Variants in IGFBP7 observed in about 807,000 individuals in gnomAD.
IGFBP7 encodes insulin like growth factor binding protein 7.
In IGFBP7, 31 loss-of-function variants were observed where a neutral mutation model predicts 29.4. The ratio of observed to expected loss-of-function variants is 1.05; its 90% CI spans 0.79 to 1.42. IGFBP7 has a LOEUF of 1.42. IGFBP7 is among the 40% of genes most tolerant of loss of function. The pLI is 0.00. For missense variants in IGFBP7, 393 were observed against 395.5 expected (o/e 0.99, Z 0.05); for synonymous variants, 172 against 174.9 (o/e 0.98, Z 0.13).
chr4:57,055,816 C>T (rs1724654658), intron 1 of IGFBP7, among the ~76,000 whole-genome samples: 1 of 152,190 alleles, frequency 6.6e-6, no homozygotes. Flanking sequence ...TTGGGAGCCG[C>T]CCTTTGCTCA....
At chr4:57,059,559 C>T (rs531262169) in intron 1 of IGFBP7, among the ~76,000 whole-genome samples, 3 of 151,906 alleles carry the variant, frequency 2.0e-5, no homozygotes, top group East Asian at 1.9e-4. Context: ...AACTCATGAA[C>T]GCAAAGAGGG....
chr4:57,099,322 C>T (rs1351374114), intron 1 of IGFBP7, among the ~76,000 whole-genome samples: 1 of 152,172 alleles, frequency 6.6e-6, no homozygotes, highest in Non-Finnish European at 1.5e-5. Context: ...ATTGAGTTCT[C>T]AAACCCCTGC....
chr4:57,064,347 TA>T (rs1165138832), intron 1 of IGFBP7, among the ~76,000 whole-genome samples: 2 of 152,102 alleles, frequency 1.3e-5, no homozygotes, highest in South Asian at 2.1e-4. Context: ...CCTGGGTGAC[TA>T]AAAACAAACA....
At chr4:57,090,566 G>T (rs941247928) in intron 1 of IGFBP7, among the ~76,000 whole-genome samples, 1 of 152,170 alleles carries the variant, frequency 6.6e-6, no homozygotes, top group African/African-American at 2.4e-5. Flanking sequence ...GCAGGGCATG[G>T]TGGCTCACAC....
At position 57,031,472 on chromosome 4, in the gene IGFBP7, A is replaced by G. The variant is rs377012623; in HGVS notation, c.830-136T>C. 5.1e-5 allele frequency: 35 copies of G among 685,754 alleles called. No homozygotes were observed. In the South Asian group the frequency reaches 5.2e-4, roughly 10 times the overall value. 42.5% of individuals were successfully genotyped at this position (685,754 alleles called of 1,614,324 possible). On this transcript the variant is annotated intron_variant, in intron 4 of 4. Coordinates refer to ENST00000295666, the MANE Select transcript of IGFBP7 (RefSeq NM_001553.3). ...GGATAAAGGATATATGAGTAATTGT[A>G]TAAATGATATGCTGGAGTGCTCTGT...
rs1723911495 is a variant in IGFBP7 at position 57,031,258 on chromosome 4, AG to A, written c.*58del. The A allele has an allele frequency of 4.4e-6, 6 of 1,363,034 alleles. No individual in the cohort carries two copies. Among genetic ancestry groups the A allele is most frequent in the Non-Finnish European group, 5.2e-6 (5 of 955,046 alleles). 84.4% of individuals were successfully genotyped at this position (1,363,034 alleles called of 1,614,324 possible). A position where few individuals can be genotyped will look rare whatever the true frequency, so the allele number is the denominator to read the frequency against. On this transcript the variant is annotated 3_prime_UTR_variant, in exon 5 of 5. Transcript: ENST00000295666. ...TAAAAGAAACTTATTAGGCAAGAAC[AG>A]GTAATGTAGTTATCCATGACTACTT... is the stretch of plus-strand genomic sequence containing the variant.
At chr4:57,054,639 CAAAAAAAAA>C (rs75161514) in intron 1 of IGFBP7, among the ~76,000 whole-genome samples, 23 of 27,896 alleles carry the variant, frequency 8.2e-4, no homozygotes, top group African/African-American at 2.1e-3. Flanking sequence ...CTCTCTCTCA[CAAAAAAAAA>C]AAAAAAAAAA....
chr4:57,103,356 C>T (rs984723716), intron 1 of IGFBP7, among the ~76,000 whole-genome samples: 63 of 152,204 alleles, frequency 4.1e-4, no homozygotes, highest in African/African-American at 1.5e-3. Context: ...AGGCCCTCCC[C>T]TATCACTGGG....
At chr4:57,079,557 A>T (rs149746827) in intron 1 of IGFBP7, among the ~76,000 whole-genome samples, 98 of 152,364 alleles carry the variant, frequency 6.4e-4, no homozygotes, top group Admixed American at 1.2e-3. Flanking sequence ...AAATGCTGGG[A>T]TGTAGCCTTC....
chr4:57,091,308 T>C (rs1256227565), intron 1 of IGFBP7, among the ~76,000 whole-genome samples: 1 of 152,238 alleles, frequency 6.6e-6, no homozygotes, highest in African/African-American at 2.4e-5. Flanking sequence ...CATGAATGAA[T>C]GAATGAGTGA....
chr4:57,041,355 A>C (rs1403791522), intron 1 of IGFBP7, among the ~76,000 whole-genome samples: 2 of 152,176 alleles, frequency 1.3e-5, no homozygotes, highest in Admixed American at 1.3e-4. Context: ...ATGGGTAATG[A>C]AGAAAAAAAA....
intron 2 of IGFBP7, among the ~76,000 whole-genome samples, chr4:57,035,951 T>C (rs1186308204): frequency 6.6e-6 from 1 of 152,226 alleles, no homozygotes; most frequent in African/African-American, 2.4e-5. Context: ...CTTAGGTAAC[T>C]GTTGGGGAAT....
Position 57,057,667 on chromosome 4 carries a change from C to T in IGFBP7, c.476-16734G>A, listed in dbSNP as rs559372626. Among the ~76,000 whole-genome samples, 4 of 152,222 alleles carry T rather than the reference C, an allele frequency of 2.6e-5. No individual in the cohort carries two copies. In the South Asian group the frequency reaches 6.2e-4, roughly 24 times the overall value. On this transcript the variant is annotated intron_variant, in intron 1 of 4. Coordinates refer to ENST00000295666, the MANE Select transcript of IGFBP7 (RefSeq NM_001553.3). ...CTCATCCTTGCTTTTTGGGTATGTT[C>T]TCAGGGAGTCTCTTTAACAACATGT... is the stretch of plus-strand genomic sequence containing the variant.
intron 1 of IGFBP7, among the ~76,000 whole-genome samples, chr4:57,068,698 T>G (rs1410782606): frequency 4.6e-5 from 7 of 152,272 alleles, no homozygotes; most frequent in Non-Finnish European, 8.8e-5. Flanking sequence ...ATGTATATAA[T>G]TATCACTGCC....
At chr4:57,054,918 C>T (rs1724612645) in intron 1 of IGFBP7, among the ~76,000 whole-genome samples, 2 of 152,112 alleles carry the variant, frequency 1.3e-5, no homozygotes, top group Non-Finnish European at 1.5e-5. Context: ...TCTTCAGCTC[C>T]CTGAGAACCA....
chr4:57,090,893 T>A (rs1287443477), intron 1 of IGFBP7, among the ~76,000 whole-genome samples: 1 of 152,182 alleles, frequency 6.6e-6, no homozygotes, highest in Admixed American at 6.6e-5. Context: ...GTTTATTTGA[T>A]CACCTTTTCT....
intron 1 of IGFBP7, among the ~76,000 whole-genome samples, chr4:57,081,197 C>G (rs1414984149): frequency 1.3e-5 from 2 of 152,108 alleles, no homozygotes; most frequent in African/African-American, 2.4e-5. Flanking sequence ...CTCTAATGAT[C>G]CTAATGTTAG....
At chr4:57,086,122 A>G (rs941027131) in intron 1 of IGFBP7, among the ~76,000 whole-genome samples, 1 of 152,182 alleles carries the variant, frequency 6.6e-6, no homozygotes, top group Admixed American at 6.5e-5. Context: ...AGGAGGAGCA[A>G]AGGTACATCT....
At chr4:57,049,391 A>G (rs889215966) in intron 1 of IGFBP7, among the ~76,000 whole-genome samples, 5 of 149,444 alleles carry the variant, frequency 3.3e-5, no homozygotes, top group African/African-American at 1.3e-4. Context: ...CATTTTTACC[A>G]ATTCACTCTT....
Sources: gnomAD v4.1 joint callset for allele counts (sites outside exome capture counted in the v4.1 genomes callset) on GRCh38, gnomAD v4.1.1 for gene constraint, MANE v1.5 for transcripts, NCBI Gene and HGNC (gene_info 2026-07-23, HGNC 2026-07-21) for gene names.